LRRC1: variants seen among roughly 807,000 people sequenced by gnomAD.
LRRC1 encodes leucine-rich repeat-containing protein 1.
A neutral mutation model predicts 69.9 loss-of-function variants in LRRC1; 28 were observed. That is an observed-to-expected ratio of 0.40 (90% CI 0.30 to 0.55). LRRC1 has a LOEUF of 0.55. LRRC1 is among the 20% of genes least tolerant of loss of function. The pLI is 0.47. For missense variants in LRRC1, 498 were observed against 609.0 expected, an observed-to-expected ratio of 0.82 and a Z score of 1.92; for synonymous variants, 236 against 240.2, an observed-to-expected ratio of 0.98 and a Z score of 0.16.
chr6:53,914,407 G>A (rs1223709454), intron 11 of LRRC1, among the ~76,000 whole-genome samples: 1 of 152,096 alleles, frequency 6.6e-6, no homozygotes, highest in East Asian at 1.9e-4. Flanking sequence ...TACTCTGCTG[G>A]TGACTCTGAA....
At chr6:53,886,539 C>T (rs894703928) in intron 4 of LRRC1, among the ~76,000 whole-genome samples, 1 of 152,064 alleles carries the variant, frequency 6.6e-6, no homozygotes, top group Non-Finnish European at 1.5e-5. Context: ...AGGGTAGGCT[C>T]GCTGATTATT....
intron 2 of LRRC1, among the ~76,000 whole-genome samples, chr6:53,861,211 A>T (rs1766502821): frequency 1.3e-5 from 2 of 152,032 alleles, no homozygotes; most frequent in South Asian, 4.2e-4. Flanking sequence ...CCAGGTCCTC[A>T]TTGGCAGTGG....
intron 1 of LRRC1, among the ~76,000 whole-genome samples, chr6:53,815,803 T>C (rs1217811833): frequency 6.6e-6 from 1 of 152,232 alleles, no homozygotes; most frequent in Non-Finnish European, 1.5e-5. Context: ...AATATGATCT[T>C]GATCTTCCTG....
At chr6:53,899,990 G>A (rs1011421577) in intron 8 of LRRC1, 99 bp downstream of exon 8, 1 of 821,474 alleles carries the variant, frequency 1.2e-6, no homozygotes, top group Non-Finnish European at 1.8e-6. Context: ...TTCAGATGCT[G>A]AGGATGTGGC....
intron 1 of LRRC1, among the ~76,000 whole-genome samples, chr6:53,810,853 A>G (rs1301002498): frequency 6.6e-6 from 1 of 152,144 alleles, no homozygotes; most frequent in African/African-American, 2.4e-5. Context: ...GCTATTCTCC[A>G]ATGTCAGTGC....
chr6:53,863,823 A>G (rs1766608963), intron 2 of LRRC1, among the ~76,000 whole-genome samples: 2 of 152,198 alleles, frequency 1.3e-5, no homozygotes, highest in Admixed American at 6.5e-5. Flanking sequence ...GTCATTTAGT[A>G]AAAGACAAAG....
At chr6:53,824,871 C>A (rs1332840913) in intron 1 of LRRC1, among the ~76,000 whole-genome samples, 1 of 152,192 alleles carries the variant, frequency 6.6e-6, no homozygotes, top group Non-Finnish European at 1.5e-5. Context: ...TAAAGGGTCA[C>A]CTGGCCCATG....
chr6:53,911,827 G>A (rs761709391), intron 10 of LRRC1, among the ~76,000 whole-genome samples: 1 of 152,160 alleles, frequency 6.6e-6, no homozygotes, highest in African/African-American at 2.4e-5. Context: ...AAAGGATCAG[G>A]GTTTTGATTG....
At chr6:53,846,122 A>G (rs1765936119) in intron 2 of LRRC1, among the ~76,000 whole-genome samples, 1 of 152,228 alleles carries the variant, frequency 6.6e-6, no homozygotes, top group Non-Finnish European at 1.5e-5. Flanking sequence ...AGACGTTTGT[A>G]AATGAAGAGA....
chr6:53,803,347 T>A (rs1764540586), intron 1 of LRRC1, among the ~76,000 whole-genome samples: 1 of 152,208 alleles, frequency 6.6e-6, no homozygotes. Flanking sequence ...CACTGAAGTC[T>A]AGGGCAAGTT....
chr6:53,809,031 A>T (rs1004276154), intron 1 of LRRC1, among the ~76,000 whole-genome samples: 5 of 152,178 alleles, frequency 3.3e-5, no homozygotes, highest in Non-Finnish European at 7.3e-5. Flanking sequence ...TTATATACAT[A>T]CTTAAAGTCA....
intron 4 of LRRC1, among the ~76,000 whole-genome samples, chr6:53,886,044 T>A (rs540922387): frequency 2.0e-5 from 3 of 152,324 alleles, no homozygotes; most frequent in Middle Eastern, 6.8e-3. Context: ...TCTTAATAAG[T>A]GTTTATGTCC....
intron 1 of LRRC1, among the ~76,000 whole-genome samples, chr6:53,814,279 T>A (rs1562027041): frequency 6.6e-6 from 1 of 152,132 alleles, no homozygotes; most frequent in African/African-American, 2.4e-5. Flanking sequence ...TGAAACTTTT[T>A]AAAAAAAATT....
At chr6:53,914,409 G>T (rs1371739391) in intron 11 of LRRC1, among the ~76,000 whole-genome samples, 2 of 152,266 alleles carry the variant, frequency 1.3e-5, no homozygotes, top group East Asian at 3.9e-4. Flanking sequence ...CTCTGCTGGT[G>T]ACTCTGAACC....
intron 2 of LRRC1, among the ~76,000 whole-genome samples, chr6:53,851,265 A>T (rs1766125592): frequency 6.6e-6 from 1 of 151,660 alleles, no homozygotes; most frequent in South Asian, 2.1e-4. Flanking sequence ...TCTCTCTCTG[A>T]GACAGATTTA....
At chr6:53,862,664 T>C (rs999592738) in intron 2 of LRRC1, among the ~76,000 whole-genome samples, 1 of 152,176 alleles carries the variant, frequency 6.6e-6, no homozygotes, top group African/African-American at 2.4e-5. Flanking sequence ...CTGCCTCCCC[T>C]TCTGTACCAT....
chr6:53,823,840 C>T (rs1331674851), intron 1 of LRRC1, among the ~76,000 whole-genome samples: 1 of 152,206 alleles, frequency 6.6e-6, no homozygotes, highest in Non-Finnish European at 1.5e-5. Flanking sequence ...TTCATGGCTG[C>T]AGAGTATTCC....
chr6:53,870,859 T>C (rs986799709), intron 2 of LRRC1, among the ~76,000 whole-genome samples: 1 of 152,334 alleles, frequency 6.6e-6, no homozygotes, highest in South Asian at 2.1e-4. Flanking sequence ...TCAACTTCTT[T>C]AGGTTACACA....
At chr6:53,905,574 T>G (rs1319936964) in intron 10 of LRRC1, among the ~76,000 whole-genome samples, 3 of 152,174 alleles carry the variant, frequency 2.0e-5, no homozygotes, top group Non-Finnish European at 4.4e-5. Context: ...ATTTCTGTTT[T>G]GACTTTTTCT....
Sources: gnomAD v4.1 joint callset for allele counts (sites outside exome capture counted in the v4.1 genomes callset) on GRCh38, gnomAD v4.1.1 for gene constraint, MANE v1.5 for transcripts, NCBI Gene and HGNC (gene_info 2026-07-23, HGNC 2026-07-21) for gene names.